INSYN2A: variants seen among roughly 807,000 people sequenced by gnomAD.
INSYN2A encodes the protein family with sequence similarity 196 member A.
In INSYN2A, 17 loss-of-function variants were observed where a neutral mutation model predicts 39.4. The ratio of observed to expected loss-of-function variants is 0.43; its 90% confidence interval spans 0.30 to 0.65. The LOEUF (loss-of-function observed/expected upper bound fraction) is 0.65, where lower values mean the gene tolerates loss of function less well. Ranked by LOEUF, INSYN2A falls within the 30% of genes least tolerant of loss-of-function variation. INSYN2A has a pLI of 0.14. For missense variants in INSYN2A, 595 were observed against 631.2 expected (o/e 0.94, Z 0.61); for synonymous variants, 255 against 265.7 (o/e 0.96, Z 0.39).
chr10:127,136,269 G>C lies in INSYN2A; in HGVS notation c.*1568C>G, dbSNP rs895111422. On this transcript the variant is annotated 3_prime_UTR_variant, in exon 6 of 6. Transcript: ENST00000522781. The stretch of plus-strand genomic sequence containing the variant: ...CACTTAGAACTAAAACAGATTTGCT[G>C]TTGAGTCAGGAGGAAAATACATGGC... The C allele has an allele frequency of 2.0e-5, 3 of 152,018 alleles. No individual in the cohort carries two copies. Among genetic ancestry groups the C allele is most frequent in the African/African-American group, 7.2e-5 (3 of 41,384 alleles). 9.4% of individuals were successfully genotyped at this position (152,018 alleles called of 1,614,324 possible).
chr10:127,142,996 G>C (rs2051415396), intron 5 of INSYN2A, among the ~76,000 whole-genome samples: 1 of 152,156 alleles, frequency 6.6e-6, no homozygotes, highest in South Asian at 2.1e-4. Flanking sequence ...CCCAGAGACT[G>C]TGCTAGGCTT....
chr10:127,176,176 C>T lies in INSYN2A; in HGVS notation c.220G>A (p.Glu74Lys), dbSNP rs1323057740. The T allele has an allele frequency of 6.2e-7, 1 of 1,614,132 alleles. No homozygotes were observed. Among genetic ancestry groups the T allele is most frequent in the South Asian group, 1.1e-5 (1 of 91,074 alleles). ...GCTCTGCAGGACACGGGCTTGGCCT[C>T]CCGCTTCTCCCCCAGCTGGCCCGAG... ...LSSGQLGEKR[E>K]AKPVSCRAAY... The change falls in exon 4 of 6, where the codon GAG becomes AAG. Residue 74 changes from glutamate (E) to lysine (K), a missense_variant. Coordinates refer to ENST00000522781, the MANE Select transcript of INSYN2A (RefSeq NM_001039762.3). This position sits in a 1 kb window ranked among gnomAD's most constrained non-coding sequence, Gnocchi z 4.4.
intron 4 of INSYN2A, among the ~76,000 whole-genome samples, chr10:127,156,730 G>A (rs1347033399): frequency 6.6e-6 from 1 of 151,600 alleles, no homozygotes; most frequent in Non-Finnish European, 1.5e-5. Context: ...CACCACTCCC[G>A]GCTAATTTTG....
Position 127,194,061 on chromosome 10 carries a change from T to G in INSYN2A, c.-394-1331A>C, listed in dbSNP as rs533887502. On this transcript the variant is annotated intron_variant, in intron 1 of 5. Transcript: ENST00000522781. ...CAACTGTAATAAGTTTAAAGACATA[T>G]GTAGCTTTTCAAGGACATCTTGTCT... 3.9e-5 allele frequency among the ~76,000 whole-genome samples: 6 copies of G among 152,356 alleles called. No individual in the cohort carries two copies. In the South Asian group the frequency reaches 1.2e-3, roughly 32 times the overall value.
At chr10:127,165,106 A>G (rs186404419) in intron 4 of INSYN2A, among the ~76,000 whole-genome samples, 408 of 152,358 alleles carry the variant, frequency 2.7e-3, no homozygotes, top group Non-Finnish European at 4.0e-3. Flanking sequence ...CAGGACTCCC[A>G]TATTTCTTCA....
At position 127,175,687 on chromosome 10, in the gene INSYN2A, A is replaced by T; in HGVS notation, c.709T>A (p.Ser237Thr). Residue 237 changes from serine (S) to threonine (T), a missense_variant, in exon 4 of 6, where the codon TCC becomes ACC. Ser to Thr is a moderately conservative substitution (Grantham distance 58). Transcript: ENST00000522781. The surrounding 1 kb of genome is among the most constrained non-coding windows in gnomAD (Gnocchi z 6.3). ...RAKQDRGRPN[S>T]EEPAPPALRR... ...AGGGCAGGTGGAGCGGGCTCCTCGG[A>T]GTTTGGCCTCCCCCGGTCCTGCTTG... The T allele has an allele frequency of 6.2e-7, 1 of 1,613,640 alleles. No individual in the cohort carries two copies. The highest frequency in any genetic ancestry group is 1.3e-5 in the African/African-American group (1 of 74,988).
At chr10:127,154,737 G>C (rs2052866935) in intron 4 of INSYN2A, among the ~76,000 whole-genome samples, 1 of 152,146 alleles carries the variant, frequency 6.6e-6, no homozygotes, top group Non-Finnish European at 1.5e-5. Context: ...GGCCTTTGTA[G>C]GGGAGGTTGC....
chr10:127,183,892 A>T (rs1440271293), intron 2 of INSYN2A, among the ~76,000 whole-genome samples: 1 of 152,184 alleles, frequency 6.6e-6, no homozygotes, highest in African/African-American at 2.4e-5. Context: ...CTTGACCAGC[A>T]GCTGTTGTGA....
intron 2 of INSYN2A, among the ~76,000 whole-genome samples, chr10:127,178,677 T>G (rs192429856): frequency 1.2e-4 from 19 of 152,300 alleles, no homozygotes; most frequent in Non-Finnish European, 2.4e-4. Flanking sequence ...ATTTGGAGAT[T>G]GCTGCAATTT....
chr10:127,185,008 C>T (rs1165104418), intron 2 of INSYN2A, among the ~76,000 whole-genome samples: 6 of 152,146 alleles, frequency 3.9e-5, no homozygotes, highest in African/African-American at 1.4e-4. Flanking sequence ...GACACCAGTC[C>T]ACTGTGCACA....
rs73380417 is a variant in INSYN2A, at chr10:127,154,603, T to C, written c.1185-680A>G. ...CCTGAACATTTACTCTCTGGCTCTTTAGAGAAGAAAATGCCAAGCCTTATG... is the reference window on the plus strand; with the variant it reads ...CCTGAACATTTACTCTCTGGCTCTTCAGAGAAGAAAATGCCAAGCCTTATG... On this transcript the variant is annotated intron_variant, in intron 4 of 5. Coordinates refer to ENST00000522781, the MANE Select transcript of INSYN2A (RefSeq NM_001039762.3). 3.6e-3 allele frequency among the ~76,000 whole-genome samples: 554 copies of C among 152,304 alleles called. 4 individuals are homozygous for C. The highest frequency in any genetic ancestry group is 0.012 in the African/African-American group (518 of 41,572).
At position 127,176,223 on chromosome 10, in the gene INSYN2A, T is replaced by C. The variant is rs774387247; in HGVS notation, c.173A>G (p.Glu58Gly). The change falls in exon 4 of 6, where the codon GAG (glutamate) becomes GGG (glycine). Residue 58 changes from glutamate (E) to glycine (G), a missense_variant. Coordinates refer to ENST00000522781, the MANE Select transcript of INSYN2A (RefSeq NM_001039762.3). The surrounding 1 kb of genome is among the most constrained non-coding windows in gnomAD (Gnocchi z 4.4). ...RFKDICEAQN[E>G]QRDTQLSSGQ... ...CGAGGACAGCTGTGTGTCCCTCTGC[T>C]CATTCTGTGCCTCGCAGATATCCTT... 1 of 1,614,008 alleles carries C rather than the reference T, an allele frequency of 6.2e-7. No individual in the cohort carries two copies. Among genetic ancestry groups the C allele is most frequent in the Non-Finnish European group, 8.5e-7 (1 of 1,180,030 alleles).
At chr10:127,189,885 G>A (rs542344276) in intron 2 of INSYN2A, among the ~76,000 whole-genome samples, 5 of 147,446 alleles carry the variant, frequency 3.4e-5, no homozygotes, top group African/African-American at 1.3e-4. Context: ...TAAATTGGTG[G>A]GTCTGGCACA....
intron 2 of INSYN2A, among the ~76,000 whole-genome samples, chr10:127,178,055 C>A (rs942542227): frequency 6.6e-6 from 1 of 152,144 alleles, no homozygotes; most frequent in Non-Finnish European, 1.5e-5. Context: ...ACTGAGTTAG[C>A]ATGACAGGCC....
chr10:127,159,613 A>G (rs1589696835), intron 4 of INSYN2A, among the ~76,000 whole-genome samples: 1 of 152,278 alleles, frequency 6.6e-6, no homozygotes, highest in East Asian at 1.9e-4. Context: ...CAAAAGAGGG[A>G]ATATATGCAC....
intron 5 of INSYN2A, among the ~76,000 whole-genome samples, chr10:127,147,625 G>C (rs1391804455): frequency 6.6e-6 from 1 of 152,038 alleles, no homozygotes; most frequent in Non-Finnish European, 1.5e-5. Context: ...CCCAGGGCCT[G>C]GTGCAGAACT....
At chr10:127,147,088 G>C (rs1369320307) in intron 5 of INSYN2A, among the ~76,000 whole-genome samples, 1 of 152,158 alleles carries the variant, frequency 6.6e-6, no homozygotes, top group Non-Finnish European at 1.5e-5. Flanking sequence ...TCACTTTTGT[G>C]AATTCTTCAT....
At chr10:127,153,198 A>G (rs1439551728) in intron 5 of INSYN2A, among the ~76,000 whole-genome samples, 10 of 152,270 alleles carry the variant, frequency 6.6e-5, no homozygotes, top group Admixed American at 6.5e-4. Context: ...AAAGAAAAGA[A>G]AAAAGGATAG....
At chr10:127,138,157 T>C (rs2050866576) in intron 5 of INSYN2A, 137 bp from the exon 6 acceptor site, 2 of 739,578 alleles carry the variant, frequency 2.7e-6, no homozygotes, top group African/African-American at 1.8e-5. Context: ...CAATTCGATA[T>C]ACTATGTTTT....
Sources: gnomAD v4.1 joint callset for allele counts (sites outside exome capture counted in the v4.1 genomes callset) on GRCh38, gnomAD v4.1.1 for gene constraint, Gnocchi (gnomAD v3.1) non-coding constraint, MANE v1.5 for transcripts, NCBI Gene and HGNC (gene_info 2026-07-23, HGNC 2026-07-21) for gene names.